The following EPHA4 variants were observed in gnomAD, a reference collection of about 807,000 sequenced individuals.
EPHA4 encodes the protein ephrin type-A receptor 4.
In EPHA4, 19 loss-of-function variants were observed where a neutral mutation model predicts 108.3. The observed-to-expected ratio is 0.18, with a 90% CI of 0.12 to 0.26. The LOEUF (loss-of-function observed/expected upper bound fraction) is 0.26, where lower values mean the gene tolerates loss of function less well. EPHA4 is among the 10% of genes least tolerant of loss of function. The pLI, the probability that EPHA4 is intolerant of heterozygous loss-of-function variation, is 1.00. For missense variants in EPHA4, 917 were observed against 1,254.0 expected, an observed-to-expected ratio of 0.73 and a Z score of 4.06; for synonymous variants, 449 against 455.5, an observed-to-expected ratio of 0.99 and a Z score of 0.18.
chr2:221,482,307 T>C, intron 5 of EPHA4, 45 bp downstream of exon 5: 2 of 1,455,990 alleles, frequency 1.4e-6, no homozygotes, highest in Non-Finnish European at 9.3e-7. Flanking sequence ...AAGCCTTTTC[T>C]CTGTATACAT....
chr2:221,526,733 G>A (rs931902042), intron 3 of EPHA4, among the ~76,000 whole-genome samples: 1 of 151,678 alleles, frequency 6.6e-6, no homozygotes, highest in Non-Finnish European at 1.5e-5. Flanking sequence ...TATAATCCCA[G>A]CTACTCGGGA....
intron 4 of EPHA4, among the ~76,000 whole-genome samples, chr2:221,490,424 A>G (rs777351147): frequency 3.3e-5 from 5 of 152,262 alleles, no homozygotes; most frequent in Non-Finnish European, 5.9e-5. Flanking sequence ...TTAAAATTCA[A>G]TGCCTGGGCT....
intron 3 of EPHA4, among the ~76,000 whole-genome samples, chr2:221,552,626 A>G (rs1694195917): frequency 6.6e-6 from 1 of 152,204 alleles, no homozygotes; most frequent in Non-Finnish European, 1.5e-5. Flanking sequence ...GCACTTCAAA[A>G]GGAAACTGTT....
chr2:221,563,557 T>C (rs1348112438), intron 3 of EPHA4, among the ~76,000 whole-genome samples, 174 bp downstream of exon 3: 1 of 152,216 alleles, frequency 6.6e-6, no homozygotes, highest in Non-Finnish European at 1.5e-5. Flanking sequence ...TTGTCAGTAT[T>C]AGAAACGTCT....
At chr2:221,514,046 C>A (rs753180490) in intron 3 of EPHA4, among the ~76,000 whole-genome samples, 5 of 151,550 alleles carry the variant, frequency 3.3e-5, no homozygotes, top group Non-Finnish European at 5.9e-5. Context: ...GTGCTGGCAA[C>A]AACCCACCCT....
At position 221,443,481 on chromosome 2, in the gene EPHA4, TCAGA is replaced by T; in HGVS notation, c.1888+8_1888+11del. ...AACAGACTCATTAGCAGACGGACAC[TCAGA>T]CACTTACCAACTCCTATAACTTTTT... On this transcript the variant is annotated splice_region_variant and intron_variant, in intron 10 of 17. Transcript: ENST00000281821. 3.1e-6 allele frequency: 5 copies of T among 1,599,736 alleles called. No individual in the cohort carries two copies. Among genetic ancestry groups the T allele is most frequent in the Non-Finnish European group, 4.3e-6 (5 of 1,167,192 alleles).
At chr2:221,526,708 G>A (rs748065297) in intron 3 of EPHA4, among the ~76,000 whole-genome samples, 32 of 151,824 alleles carry the variant, frequency 2.1e-4, no homozygotes, top group African/African-American at 2.7e-4. Flanking sequence ...TTAGCCAGGC[G>A]CAGTGGCGAG....
intron 3 of EPHA4, among the ~76,000 whole-genome samples, chr2:221,551,157 T>C (rs2106198840): frequency 6.6e-6 from 1 of 152,212 alleles, no homozygotes; most frequent in Middle Eastern, 3.4e-3. Flanking sequence ...ACATATATGA[T>C]TGTTTGCAAT....
intron 4 of EPHA4, among the ~76,000 whole-genome samples, chr2:221,492,382 T>C (rs1182563839): frequency 6.6e-6 from 1 of 152,076 alleles, no homozygotes; most frequent in Non-Finnish European, 1.5e-5. Flanking sequence ...TAAAAAGAAT[T>C]CAGTGAGATG....
At position 221,435,714 on chromosome 2, in the gene EPHA4, CT is replaced by C. The variant is rs568266066; in HGVS notation, c.2346+684del. ...AGATAGCACAGCCATTAACTGTGTA[CT>C]TAAAACTCTTCACTGTGTCCTAATC... On this transcript the variant is annotated intron_variant, in intron 13 of 17. Transcript: ENST00000281821. Among the ~76,000 whole-genome samples the C allele has an allele frequency of 5.0e-3, 754 of 152,254 alleles. 7 individuals are homozygous for C. The highest frequency in any genetic ancestry group is 0.017 in the African/African-American group (725 of 41,534).
intron 3 of EPHA4, among the ~76,000 whole-genome samples, chr2:221,551,365 A>G (rs1026795251): frequency 4.2e-4 from 64 of 152,218 alleles, no homozygotes; most frequent in African/African-American, 1.5e-3. Flanking sequence ...TCTAATCACT[A>G]TCTCTTGTAG....
chr2:221,450,572 C>G (rs936199194), intron 8 of EPHA4, among the ~76,000 whole-genome samples: 3 of 152,138 alleles, frequency 2.0e-5, no homozygotes, highest in Non-Finnish European at 2.9e-5. Flanking sequence ...GAGCTGAATT[C>G]CTGTCCTGAT....
intron 17 of EPHA4, among the ~76,000 whole-genome samples, chr2:221,421,063 C>T (rs960430572): frequency 2.0e-5 from 3 of 152,100 alleles, no homozygotes; most frequent in African/African-American, 7.2e-5. Context: ...TTTTGGGAGC[C>T]GAGGTGGGCG....
chr2:221,520,107 A>T (rs1693115252), intron 3 of EPHA4, among the ~76,000 whole-genome samples: 2 of 152,042 alleles, frequency 1.3e-5, no homozygotes, highest in Admixed American at 6.5e-5. Flanking sequence ...TCATTCCTGT[A>T]TTGAAAATCT....
At chr2:221,558,026 C>A (rs533133485) in intron 3 of EPHA4, among the ~76,000 whole-genome samples, 63 of 152,126 alleles carry the variant, frequency 4.1e-4, no homozygotes, top group African/African-American at 1.5e-3. Context: ...CTACCAATAA[C>A]GAAAACATTA....
rs1431055526 is a variant in EPHA4, at chr2:221,437,782, GCA to G, written c.2075-662_2075-661del. Among the ~76,000 whole-genome samples the G allele has an allele frequency of 4.8e-5, 7 of 145,740 alleles. 1 individual carries two copies. Among genetic ancestry groups the G allele is most frequent in the Admixed American group, 3.4e-4 (5 of 14,700 alleles). On this transcript the variant is annotated intron_variant, in intron 11 of 17. Transcript: ENST00000281821. ...CAAAAAAAAAAAAAAAATTTGCCAA[GCA>G]TGGTGGCAGGCGCCTGTAATCCCAG...
intron 15 of EPHA4, among the ~76,000 whole-genome samples, chr2:221,429,656 A>T (rs1690013700): frequency 6.6e-6 from 1 of 152,044 alleles, no homozygotes; most frequent in South Asian, 2.1e-4. Context: ...AGTACATTTC[A>T]CCCCTCTTCC....
intron 5 of EPHA4, among the ~76,000 whole-genome samples, chr2:221,458,945 T>C (rs1691049394): frequency 6.6e-6 from 1 of 152,192 alleles, no homozygotes; most frequent in African/African-American, 2.4e-5. Context: ...ATATATTCTT[T>C]TATTCCCAAA....
chr2:221,568,048 T>C (rs1694723358), intron 2 of EPHA4, among the ~76,000 whole-genome samples: 3 of 152,226 alleles, frequency 2.0e-5, no homozygotes, highest in Admixed American at 6.5e-5. Context: ...TGACAAGTAT[T>C]ACAAATTTGA....
Sources: gnomAD v4.1 joint callset for allele counts (sites outside exome capture counted in the v4.1 genomes callset) on GRCh38, gnomAD v4.1.1 for gene constraint, MANE v1.5 for transcripts, NCBI Gene and HGNC (gene_info 2026-07-23, HGNC 2026-07-21) for gene names.